Variants in LRRC14 observed in about 807,000 individuals in gnomAD.
LRRC14 encodes the protein leucine-rich repeat-containing protein 14.
In LRRC14, 16 loss-of-function variants were observed where a neutral mutation model predicts 25.3. The observed-to-expected ratio is 0.63, with a 90% CI of 0.43 to 0.96. The LOEUF is 0.96. Ranked by LOEUF, LRRC14 falls within the 40% of genes least tolerant of loss-of-function variation. The probability of loss-of-function intolerance (pLI) is 0.00; values close to 1 mark genes in which losing one functional copy is unlikely to be tolerated. For missense variants in LRRC14, 594 were observed against 660.5 expected, an observed-to-expected ratio of 0.90 and a Z score of 1.10; for synonymous variants, 359 against 295.1, an observed-to-expected ratio of 1.22 and a Z score of -2.22.
Position 144,524,314 on chromosome 8 carries a change from C to T in LRRC14, c.*2836C>T, listed in dbSNP as rs766476083. 7 of 1,605,098 alleles carry T rather than the reference C, an allele frequency of 4.4e-6. No individual in the cohort carries two copies. The highest frequency in any genetic ancestry group is 1.7e-5 in the Admixed American group (1 of 59,880). On this transcript the variant is annotated 3_prime_UTR_variant, in exon 4 of 4. Transcript: ENST00000292524. The stretch of plus-strand genomic sequence containing the variant: ...GACAGCAGATCGTGAGGAAAAAGGG[C>T]GCCGAGGTTGGGGGCATGTCTCTCT...
At position 144,522,506 on chromosome 8, in the gene LRRC14, G is replaced by A. The variant is rs1564822987; in HGVS notation, c.*1028G>A. On this transcript the variant is annotated 3_prime_UTR_variant, in exon 4 of 4. Transcript: ENST00000292524. ...GTGGATCTCGTAGGCGACCGGCGGG[G>A]GCACGCGGAGTCCCGGCCCCGCCCC... 2 of 1,499,466 alleles carry A rather than the reference G, an allele frequency of 1.3e-6. No individual in the cohort carries two copies. Among genetic ancestry groups the A allele is most frequent in the South Asian group, 1.3e-5 (1 of 78,206 alleles). 92.9% of individuals were successfully genotyped at this position (1,499,466 alleles called of 1,614,324 possible). A position where few individuals can be genotyped will look rare whatever the true frequency, so the allele number is the denominator to read the frequency against.
chr8:144,521,114 C>G lies in LRRC14; in HGVS notation c.1118C>G (p.Thr373Ser). 6.2e-7 allele frequency: 1 copy of G among 1,613,086 alleles called. No homozygotes were observed. Residue 373 changes from threonine to serine, a missense_variant, in exon 4 of 4, where the codon ACT (threonine) becomes AGT (serine). By Grantham distance (58) the Thr-to-Ser change is moderately conservative. Transcript: ENST00000292524. ...GCCACACTGTTGCATCTGGAGCTGA[C>G]TGAGTGTCAGCTCGCAGACACCCAG... ...SAATLLHLELTECQLADTQLL... is the reference protein window; with the variant it reads ...SAATLLHLELSECQLADTQLL...
chr8:144,524,810 G>T lies in LRRC14; in HGVS notation c.*3332G>T. The T allele has an allele frequency of 1.4e-6, 2 of 1,460,658 alleles. No homozygotes were observed. Among genetic ancestry groups the T allele is most frequent in the Non-Finnish European group, 9.0e-7 (1 of 1,107,648 alleles). 90.5% of individuals were successfully genotyped at this position (1,460,658 alleles called of 1,614,324 possible). A position where few individuals can be genotyped will look rare whatever the true frequency, so the allele number is the denominator to read the frequency against. ...CCGTCCTCCCGCAGCTCCACACGGT[G>T]CCCACCTGCGTCCCTGGCGGGATTC... On this transcript the variant is annotated 3_prime_UTR_variant, in exon 4 of 4. Transcript: ENST00000292524.
intron 2 of LRRC14, 68 bp from the exon 3 acceptor site, chr8:144,520,167 GTCC>G (rs1815905159): frequency 6.3e-7 from 1 of 1,574,848 alleles, no homozygotes; most frequent in East Asian, 2.2e-5. Context: ...CGTTGCTCCT[GTCC>G]CAAGGTGGCT....
chr8:144,522,760 C>T lies in LRRC14; in HGVS notation c.*1282C>T, dbSNP rs552819372. 7.0e-6 allele frequency: 11 copies of T among 1,578,294 alleles called. No homozygotes were observed. In the African/African-American group the frequency reaches 9.6e-5, roughly 14 times the overall value. On this transcript the variant is annotated 3_prime_UTR_variant, in exon 4 of 4. Transcript: ENST00000292524. ...GGCGACAGATCATGGCGACCAGGAG[C>T]AGCGCCGTGAGCGCCAGCAGCGCGA...
Position 144,520,588 on chromosome 8 carries a change from T to C in LRRC14, c.680T>C (p.Leu227Pro). 3 of 1,600,854 alleles carry C rather than the reference T, an allele frequency of 1.9e-6. No individual in the cohort carries two copies. The highest frequency in any genetic ancestry group is 2.5e-6 in the Non-Finnish European group (3 of 1,179,932). Residue 227 changes from leucine to proline, a missense_variant, in exon 3 of 4, where the codon CTG becomes CCG. Coordinates refer to ENST00000292524, the MANE Select transcript of LRRC14 (RefSeq NM_014665.4). Reference sequence around the variant, plus strand: ...GCAGGCTGCCTGCGCCGCGTGGACCTGCGCTTCAACAATCTGGGCCTGCGC... The same window carrying C: ...GCAGGCTGCCTGCGCCGCGTGGACCCGCGCTTCAACAATCTGGGCCTGCGC... ...LDAGCLRRVD[L>P]RFNNLGLRGL...
In LRRC14 at chr8:144,523,270, G is replaced by A. The variant is rs765918684; in HGVS notation, c.*1792G>A. 28 of 1,610,688 alleles carry A rather than the reference G, an allele frequency of 1.7e-5. No homozygotes were observed. The South Asian group carries it at 2.2e-4, about 13-fold the overall frequency. On this transcript the variant is annotated 3_prime_UTR_variant, in exon 4 of 4. Coordinates refer to ENST00000292524, the MANE Select transcript of LRRC14 (RefSeq NM_014665.4). ...TGCAGATGAGGCTGCTGTGGGATACGTCCAGGAGACTCTGGAGCGCCAGGC... is the reference window on the plus strand; with the variant it reads ...TGCAGATGAGGCTGCTGTGGGATACATCCAGGAGACTCTGGAGCGCCAGGC...
Position 144,523,453 on chromosome 8 carries a change from A to C in LRRC14, c.*1975A>C, listed in dbSNP as rs770268119. ...AGGCAGGTGGCTTGAGGGTGCTGCT[A>C]AAACAGCCTGTGCAGTTGGGGTTTT... On this transcript the variant is annotated 3_prime_UTR_variant, in exon 4 of 4. Coordinates refer to ENST00000292524, the MANE Select transcript of LRRC14 (RefSeq NM_014665.4). 5 of 1,500,976 alleles carry C rather than the reference A, an allele frequency of 3.3e-6. No individual in the cohort carries two copies. The highest frequency in any genetic ancestry group is 3.5e-6 in the Non-Finnish European group (4 of 1,129,582). 93.0% of individuals were successfully genotyped at this position (1,500,976 alleles called of 1,614,324 possible).
rs780806393 is a variant in LRRC14 at position 144,522,449 on chromosome 8, C to T, written c.*971C>T. On this transcript the variant is annotated 3_prime_UTR_variant, in exon 4 of 4. Coordinates refer to ENST00000292524, the MANE Select transcript of LRRC14 (RefSeq NM_014665.4). ...AGGCCGCACCGGCCAATCTCCGGCG[C>T]CCACGTCATCCGCGCGCCCGCGGCC... 13 of 1,395,152 alleles carry T rather than the reference C, an allele frequency of 9.3e-6. No individual in the cohort carries two copies. The highest frequency in any genetic ancestry group is 2.5e-4 in the Middle Eastern group (1 of 3,960). 86.4% of individuals were successfully genotyped at this position (1,395,152 alleles called of 1,614,324 possible).
Position 144,521,551 on chromosome 8 carries a change from T to A in LRRC14, c.*73T>A, listed in dbSNP as rs1041399456. On this transcript the variant is annotated 3_prime_UTR_variant, in exon 4 of 4. Coordinates refer to ENST00000292524, the MANE Select transcript of LRRC14 (RefSeq NM_014665.4). ...TAGGCAGGGCCTTTGCTGGGACCCCTGGTGGAGGCCTTCACAAAAGCACTG... is the reference window on the plus strand; with the variant it reads ...TAGGCAGGGCCTTTGCTGGGACCCCAGGTGGAGGCCTTCACAAAAGCACTG... 3.5e-5 allele frequency: 50 copies of A among 1,426,894 alleles called. 2 individuals are homozygous for A. The Admixed American group carries it at 5.3e-4, about 15-fold the overall frequency. The allele number at this position is 1,426,894 out of a possible 1,614,324, so 88.4% of individuals were successfully genotyped here.
chr8:144,521,623 A>C lies in LRRC14; in HGVS notation c.*145A>C. ...CTACCTTGCTTCTGGGCACACCTCA[A>C]GCCTCCCCTGCTTTCTGCAGTGCCC... is the stretch of plus-strand genomic sequence containing the variant. On this transcript the variant is annotated 3_prime_UTR_variant, in exon 4 of 4. Transcript: ENST00000292524. 1 of 801,304 alleles carries C rather than the reference A, an allele frequency of 1.2e-6. No individual in the cohort carries two copies. The highest frequency in any genetic ancestry group is 1.8e-5 in the South Asian group (1 of 54,394). 49.6% of individuals were successfully genotyped at this position (801,304 alleles called of 1,614,324 possible).
Position 144,520,912 on chromosome 8 carries a change from AC to A in LRRC14, c.919del (p.Leu307CysfsTer37). 3.7e-6 allele frequency: 6 copies of A among 1,608,380 alleles called. No homozygotes were observed. Among genetic ancestry groups the A allele is most frequent in the Non-Finnish European group, 5.1e-6 (6 of 1,179,048 alleles). On this transcript the variant is annotated frameshift_variant and splice_region_variant, in exon 4 of 4. Transcript: ENST00000292524. LOFTEE classifies it low-confidence loss of function (END_TRUNC). Reference protein sequence around the residue: ...LSGRLDQLLSTLQSPLESLEL... With the variant: ...LSGRLDQLLSXLQSPLESLEL... ...CTGTGACCCCTGTGTCCCCTGTAGC[AC>A]CCTGCAGAGCCCCCTGGAGAGCCTG...
In LRRC14 at chr8:144,522,706, CCCCCGCGCCTTTTTTCGCCTGCG is replaced by C; in HGVS notation, c.*1229_*1251del. The stretch of plus-strand genomic sequence containing the variant: ...CGAACAGCGCTCCCTCCCCCGGAGG[CCCCCGCGCCTTTTTTCGCCTGCG>C]GCGCCGGCGACAGATCATGGCGACC... On this transcript the variant is annotated 3_prime_UTR_variant, in exon 4 of 4. Coordinates refer to ENST00000292524, the MANE Select transcript of LRRC14 (RefSeq NM_014665.4). The C allele has an allele frequency of 6.3e-7, 1 of 1,596,572 alleles. No homozygotes were observed. Among genetic ancestry groups the C allele is most frequent in the Middle Eastern group, 1.7e-4 (1 of 6,012 alleles).
In LRRC14 at chr8:144,522,241, C is replaced by G; in HGVS notation, c.*763C>G. 1 of 521,006 alleles carries G rather than the reference C, an allele frequency of 1.9e-6. No homozygotes were observed. The highest frequency in any genetic ancestry group is 3.1e-6 in the Non-Finnish European group (1 of 327,554). 32.3% of individuals were successfully genotyped at this position (521,006 alleles called of 1,614,324 possible). On this transcript the variant is annotated 3_prime_UTR_variant, in exon 4 of 4. Coordinates refer to ENST00000292524, the MANE Select transcript of LRRC14 (RefSeq NM_014665.4). ...GGCCAGGGCCAGCGAGGGACCCCCC[C>G]CATGCAGAGCTGGAGGTTGGGGTGA...
chr8:144,519,551 C>T (rs1227402416), intron 1 of LRRC14, 64 bp from the exon 2 acceptor site: 6 of 623,732 alleles, frequency 9.6e-6, no homozygotes, highest in East Asian at 2.7e-5. Context: ...CCCAGCCCAG[C>T]GCTAGGCATC....
rs768623878 is a variant in LRRC14, at chr8:144,524,794, C to T, written c.*3316C>T. 3.3e-5 allele frequency: 47 copies of T among 1,439,798 alleles called. 1 individual carries two copies. The highest frequency in any genetic ancestry group is 5.4e-6 in the Non-Finnish European group (6 of 1,101,358). The allele number at this position is 1,439,798 out of a possible 1,614,324, so 89.2% of individuals were successfully genotyped here. On this transcript the variant is annotated 3_prime_UTR_variant, in exon 4 of 4. Coordinates refer to ENST00000292524, the MANE Select transcript of LRRC14 (RefSeq NM_014665.4). ...TCTCCCTGGGGGCACCCCGTCCTCC[C>T]GCAGCTCCACACGGTGCCCACCTGC... is the stretch of plus-strand genomic sequence containing the variant.
Position 144,524,315 on chromosome 8 carries a change from G to T in LRRC14, c.*2837G>T. On this transcript the variant is annotated 3_prime_UTR_variant, in exon 4 of 4. Coordinates refer to ENST00000292524, the MANE Select transcript of LRRC14 (RefSeq NM_014665.4). Reference sequence around the variant, plus strand: ...ACAGCAGATCGTGAGGAAAAAGGGCGCCGAGGTTGGGGGCATGTCTCTCTT... The same window carrying T: ...ACAGCAGATCGTGAGGAAAAAGGGCTCCGAGGTTGGGGGCATGTCTCTCTT... The T allele has an allele frequency of 6.2e-7, 1 of 1,604,666 alleles. No individual in the cohort carries two copies. Among genetic ancestry groups the T allele is most frequent in the South Asian group, 1.1e-5 (1 of 91,054 alleles).
In LRRC14 at chr8:144,524,660, G is replaced by T. The variant is rs1277427461; in HGVS notation, c.*3182G>T. The T allele has an allele frequency of 2.0e-6, 3 of 1,495,360 alleles. No homozygotes were observed. The highest frequency in any genetic ancestry group is 2.6e-6 in the Non-Finnish European group (3 of 1,132,640). 92.6% of individuals were successfully genotyped at this position (1,495,360 alleles called of 1,614,324 possible). On this transcript the variant is annotated 3_prime_UTR_variant, in exon 4 of 4. Coordinates refer to ENST00000292524, the MANE Select transcript of LRRC14 (RefSeq NM_014665.4). The stretch of plus-strand genomic sequence containing the variant: ...GCAGGTAGAGCCGGCGCAGAGCGGC[G>T]AGTGGCGCCAGGGCTCCCGGCTCTA...
chr8:144,521,519 C>G lies in LRRC14; in HGVS notation c.*41C>G, dbSNP rs758862337. The G allele has an allele frequency of 6.5e-7, 1 of 1,549,208 alleles. No individual in the cohort carries two copies. The highest frequency in any genetic ancestry group is 8.7e-7 in the Non-Finnish European group (1 of 1,148,780). On this transcript the variant is annotated 3_prime_UTR_variant, in exon 4 of 4. Transcript: ENST00000292524. ...TGAGACACAGGCCGCCCTGCAGTCT[C>G]TTTAGGTAGGCAGGGCCTTTGCTGG... is the stretch of plus-strand genomic sequence containing the variant.
Sources: allele counts gnomAD v4.1 joint callset, GRCh38; gene constraint gnomAD v4.1.1; transcripts MANE v1.5; gene names NCBI Gene and HGNC (gene_info 2026-07-23, HGNC 2026-07-21).